FAT1: variants seen among roughly 807,000 people sequenced by gnomAD.
The protein encoded by FAT1 is FAT atypical cadherin 1.
In FAT1, 171 loss-of-function variants were observed where a neutral mutation model predicts 329.8. The observed-to-expected ratio is 0.52, with a 90% confidence interval of 0.46 to 0.59. FAT1 has a LOEUF of 0.59. Ranked by LOEUF, FAT1 falls within the 20% of genes least tolerant of loss-of-function variation. The pLI, the probability that FAT1 is intolerant of heterozygous loss-of-function variation, is 0.00. For synonymous variants in FAT1, 2,233 were observed against 2,228.6 expected, an observed-to-expected ratio of 1.00 and a Z score of -0.06; for missense variants, 5,672 against 5,774.4, an observed-to-expected ratio of 0.98 and a Z score of 0.57.
At chr4:186,591,834 C>T (rs1215266820) in intron 26 of FAT1, among the ~76,000 whole-genome samples, 7 of 152,104 alleles carry the variant, frequency 4.6e-5, no homozygotes, top group Non-Finnish European at 8.8e-5. Context: ...TCCTCCTGAA[C>T]CTTGACAGCA....
At chr4:186,610,064 T>C (rs1215369651) in intron 14 of FAT1, 49 bp from the exon 15 acceptor site, 3 of 1,149,782 alleles carry the variant, frequency 2.6e-6, no homozygotes, top group Non-Finnish European at 3.9e-6. Context: ...GCCACCACAT[T>C]TTCCCACTAT....
chr4:186,594,461 C>T (rs570066744), intron 26 of FAT1, among the ~76,000 whole-genome samples: 51 of 151,272 alleles, frequency 3.4e-4, no homozygotes, highest in African/African-American at 1.1e-3. Context: ...CATTTAGGGG[C>T]CAAGATATAA....
intron 20 of FAT1, chr4:186,601,716 C>T: frequency 8.1e-6 from 2 of 246,210 alleles, no homozygotes; most frequent in Non-Finnish European, 1.6e-5. Flanking sequence ...AAGAAAATTT[C>T]AGAAAATAGT....
chr4:186,601,340 T>G lies in FAT1; in HGVS notation c.11569A>C (p.Met3857Leu), dbSNP rs904773385. 1 of 1,613,124 alleles carries G rather than the reference T, an allele frequency of 6.2e-7. No homozygotes were observed. Among genetic ancestry groups the G allele is most frequent in the African/African-American group, 1.3e-5 (1 of 75,046 alleles). ...TGCGTGGAATATGTTCTGAGCCTCA[T>G]GGTCAGTTTCATCTCTAATTTGTTT... ...NENKLEMKLT[M>L]RLRTYSTHAV... Residue 3857 changes from methionine to leucine, a missense_variant, in exon 21 of 27, where the codon ATG becomes CTG. Physicochemically the swap from Met to Leu is conservative, Grantham distance 15. This residue lies in a region of FAT1 where 1,706 missense variants were observed against 1,859.1 expected (regional missense o/e 0.92). Coordinates refer to ENST00000441802, the MANE Select transcript of FAT1 (RefSeq NM_005245.4).
At chr4:186,682,855 G>C (rs1194386208) in intron 2 of FAT1, among the ~76,000 whole-genome samples, 1 of 152,168 alleles carries the variant, frequency 6.6e-6, no homozygotes, top group Non-Finnish European at 1.5e-5. Flanking sequence ...AGCCTGGACT[G>C]GGATAAAACC....
rs1320368475 is a variant in FAT1 at position 186,707,418 on chromosome 4, C to A, written c.2410G>T (p.Ala804Ser). The stretch of plus-strand genomic sequence containing the variant: ...ACCACGACATGTAGAAGACGCCACG[C>A]AGCCTTCTGGGGTATCCCAAGGTCA... ...VYDLGIPQKA[A>S]WRLLHVVVVD... Residue 804 changes from alanine (A) to serine (S), a missense_variant, in exon 2 of 27, where the codon GCG becomes TCG. By Grantham distance (99) the Ala-to-Ser change is moderately conservative. Coordinates refer to ENST00000441802, the MANE Select transcript of FAT1 (RefSeq NM_005245.4). 4 of 1,613,924 alleles carry A rather than the reference C, an allele frequency of 2.5e-6. No homozygotes were observed. Among genetic ancestry groups the A allele is most frequent in the African/African-American group, 1.3e-5 (1 of 74,930 alleles).
In FAT1 at chr4:186,708,118, C is replaced by A. The variant is rs1259795454; in HGVS notation, c.1710G>T (p.Glu570Asp). The change falls in exon 2 of 27, where the codon GAG becomes GAT. Residue 570 changes from glutamate (E) to aspartate (D), a missense_variant. By Grantham distance (45) the Glu-to-Asp change is conservative (BLOSUM62 2). Transcript: ENST00000441802. ...GAATTGTCCCTTCACAATTTATTTT[C>A]TCAAACAAAGGTGTGTTGTCATTCA... ...NNLNDNTPLFEKINCEGTIPR... is the reference protein window; with the variant it reads ...NNLNDNTPLFDKINCEGTIPR... 1 of 1,613,936 alleles carries A rather than the reference C, an allele frequency of 6.2e-7. No individual in the cohort carries two copies. Among genetic ancestry groups the A allele is most frequent in the South Asian group, 1.1e-5 (1 of 91,070 alleles).
At chr4:186,686,788 C>G (rs1743490731) in intron 2 of FAT1, among the ~76,000 whole-genome samples, 1 of 152,080 alleles carries the variant, frequency 6.6e-6, no homozygotes. Flanking sequence ...CTGTTTGGAT[C>G]CAATCACTAC....
rs375073515 is a variant in FAT1, at chr4:186,595,773, G to T, written c.13054C>A (p.Pro4352Thr). 6.2e-7 allele frequency: 1 copy of T among 1,613,966 alleles called. No homozygotes were observed. Among genetic ancestry groups the T allele is most frequent in the Admixed American group, 1.7e-5 (1 of 60,020 alleles). The change falls in exon 26 of 27, where the codon CCT becomes ACT. Residue 4352 changes from proline to threonine, a missense_variant. Pro to Thr is a conservative substitution (Grantham distance 38, BLOSUM62 -1). Transcript: ENST00000441802. The part of the protein sequence containing the change: ...CLSKKPLEEK[P>T]SQPYSARESL... ...TCCCGGGCACTGTATGGCTGGGAAG[G>T]CTTTTCCTCTAGAGGCTTCTTGGAA...
rs749480216 is a variant in FAT1 at position 186,619,188 on chromosome 4, T to A, written c.7398A>T (p.Ser2466=). The change falls in exon 10 of 27, where the codon TCA becomes TCT. Residue 2466 remains serine, a synonymous_variant. Coordinates refer to ENST00000441802, the MANE Select transcript of FAT1 (RefSeq NM_005245.4). ...ALKPFYSLNL[S]VSDGVFRSST... ...AACTTCTAAAAACTCCATCAGACAC[T>A]GACAGGTTAAGACTGTAAAATGGCT... The A allele has an allele frequency of 3.7e-6, 6 of 1,614,018 alleles. No individual in the cohort carries two copies. In the East Asian group the frequency reaches 1.1e-4, roughly 30 times the overall value.
At chr4:186,701,867 C>T (rs1043602614) in intron 2 of FAT1, among the ~76,000 whole-genome samples, 5 of 152,264 alleles carry the variant, frequency 3.3e-5, no homozygotes, top group African/African-American at 1.2e-4. Flanking sequence ...CTGAGGTCAA[C>T]AATCAGGTTA....
chr4:186,705,576 T>C (rs2126680182), intron 2 of FAT1, among the ~76,000 whole-genome samples: 1 of 152,332 alleles, frequency 6.6e-6, no homozygotes, highest in East Asian at 1.9e-4. Flanking sequence ...TGCAGTCTTT[T>C]AACACTGATT....
chr4:186,667,450 T>A (rs1350178565), intron 2 of FAT1, among the ~76,000 whole-genome samples: 1 of 152,264 alleles, frequency 6.6e-6, no homozygotes. Context: ...AGATGCTGGA[T>A]GTTCCTATTT....
chr4:186,597,062 G>A lies in FAT1; in HGVS notation c.12478C>T (p.Arg4160Cys), dbSNP rs747946682. ...TTGGGCGCAGCATCCTCGCAGTGAC[G>A]TCCCCTGTACTCGTGGCTGCAGTTG... ...HCNCSHEYRG[R>C]HCEDAAPNQY... Residue 4160 changes from arginine (R) to cysteine (C), a missense_variant, in exon 25 of 27, where the codon CGT (arginine) becomes TGT (cysteine). By Grantham distance (180) the Arg-to-Cys change is radical. Transcript: ENST00000441802. 2 of 1,613,852 alleles carry A rather than the reference G, an allele frequency of 1.2e-6. No individual in the cohort carries two copies. Among genetic ancestry groups the A allele is most frequent in the East Asian group, 2.2e-5 (1 of 44,870 alleles).
intron 2 of FAT1, among the ~76,000 whole-genome samples, chr4:186,703,117 C>A (rs985858834): frequency 1.3e-5 from 2 of 152,096 alleles, no homozygotes; most frequent in African/African-American, 4.8e-5. Context: ...AACAGTTCAC[C>A]AACATCCAGA....
Position 186,706,721 on chromosome 4 carries a change from C to G in FAT1, c.3107G>C (p.Ser1036Thr), listed in dbSNP as rs2126682755. ...TTTCACTGTCCCCTTTTCCACAAAG[C>G]TGGAAAACACGGGTGGGTGCAGGTT... ...NENLHPPVFS[S>T]FVEKGTVKED... The change falls in exon 2 of 27, where the codon AGC becomes ACC. Residue 1036 changes from serine (S) to threonine (T), a missense_variant. Ser to Thr is a moderately conservative substitution (Grantham distance 58). Transcript: ENST00000441802. The G allele has an allele frequency of 1.9e-6, 3 of 1,613,972 alleles. No individual in the cohort carries two copies. The highest frequency in any genetic ancestry group is 2.5e-6 in the Non-Finnish European group (3 of 1,179,882).
At chr4:186,691,511 G>A (rs1212313519) in intron 2 of FAT1, among the ~76,000 whole-genome samples, 3 of 152,152 alleles carry the variant, frequency 2.0e-5, no homozygotes, top group Non-Finnish European at 4.4e-5. Flanking sequence ...AGGCCACTGA[G>A]CCAGGCGTGA....
chr4:186,628,529 G>T lies in FAT1; in HGVS notation c.4558C>A (p.Leu1520Met). ...TGCTGGTGAACAGCTTCATGATCCA[G>T]TTTCTCAGAAGTATAGAGAGAGCCG... ...ATGSLYTSEK[L>M]DHEAVHQHTL... The change falls in exon 8 of 27, where the codon CTG becomes ATG. Residue 1520 changes from leucine (L) to methionine (M), a missense_variant. Coordinates refer to ENST00000441802, the MANE Select transcript of FAT1 (RefSeq NM_005245.4). 1 of 1,614,008 alleles carries T rather than the reference G, an allele frequency of 6.2e-7. No homozygotes were observed. Among genetic ancestry groups the T allele is most frequent in the Non-Finnish European group, 8.5e-7 (1 of 1,179,890 alleles).
chr4:186,597,215 G>A (rs754510259), intron 24 of FAT1, 44 bp from the exon 25 acceptor site: 14 of 1,512,944 alleles, frequency 9.3e-6, no homozygotes, highest in Non-Finnish European at 1.2e-5. Flanking sequence ...TGTAGCATAC[G>A]CCAGCGTATG....
Sources: allele counts gnomAD v4.1 joint callset (sites outside exome capture counted in the v4.1 genomes callset), GRCh38; gene constraint gnomAD v4.1.1; regional missense constraint gnomAD v4.1.1; transcripts MANE v1.5; gene names NCBI Gene and HGNC (gene_info 2026-07-23, HGNC 2026-07-21).